EPHA2: variants seen among roughly 807,000 people sequenced by gnomAD.
EPHA2 encodes EPH receptor A2.
Under a neutral mutation model 104.9 loss-of-function variants are expected in EPHA2, and 54 were observed. The ratio of observed to expected loss-of-function variants is 0.51; its 90% CI spans 0.41 to 0.65. The LOEUF (loss-of-function observed/expected upper bound fraction) is 0.65, where lower values mean the gene tolerates loss of function less well. Ranked by LOEUF, EPHA2 falls within the 30% of genes least tolerant of loss-of-function variation. The pLI, the probability that EPHA2 is intolerant of heterozygous loss-of-function variation, is 0.00. For synonymous variants in EPHA2, 560 were observed against 559.1 expected (o/e 1.00, Z -0.02); for missense variants, 1,117 against 1,369.5 (o/e 0.82, Z 2.91).
intron 3 of EPHA2, among the ~76,000 whole-genome samples, chr1:16,145,242 AGC>A (rs2024908189): frequency 6.6e-6 from 1 of 152,214 alleles, no homozygotes; most frequent in African/African-American, 2.4e-5. Flanking sequence ...GACAGCGGTC[AGC>A]CCGAGCGACT....
intron 3 of EPHA2, among the ~76,000 whole-genome samples, chr1:16,140,170 C>A (rs1442198632): frequency 6.6e-6 from 1 of 152,242 alleles, no homozygotes; most frequent in Admixed American, 6.5e-5. Context: ...TGACTCTGCT[C>A]TCAGAGCCAG....
chr1:16,132,998 G>A, intron 11 of EPHA2, 182 bp downstream of exon 11: 4 of 755,746 alleles, frequency 5.3e-6, no homozygotes, highest in South Asian at 5.1e-5. Context: ...TGGGGGGAAG[G>A]TGGGCACAGG....
In EPHA2 at chr1:16,138,295, G is replaced by A. The variant is rs1387958675; in HGVS notation, c.959C>T (p.Pro320Leu). The change falls in exon 4 of 17, where the codon CCA becomes CTA. Residue 320 changes from proline to leucine, a missense_variant. By Grantham distance (98) the Pro-to-Leu change is moderately conservative. Transcript: ENST00000358432. ...CTCACGTGTGCAAGGCATCGACGCT[G>A]GGTCCTGAGGTGCCCGGAAGAAGCC... ...EEGFFRAPQDPASMPCTRPPS... is the reference protein window; with the variant it reads ...EEGFFRAPQDLASMPCTRPPS... 4 of 1,613,440 alleles carry A rather than the reference G, an allele frequency of 2.5e-6. No homozygotes were observed. The highest frequency in any genetic ancestry group is 2.7e-5 in the African/African-American group (2 of 74,918).
intron 1 of EPHA2, among the ~76,000 whole-genome samples, chr1:16,152,520 C>A (rs1248364468): frequency 6.7e-6 from 1 of 148,512 alleles, no homozygotes; most frequent in Non-Finnish European, 1.5e-5. Flanking sequence ...GCGGGGTGGG[C>A]AGGGGCAGGG....
At position 16,148,645 on chromosome 1, in the gene EPHA2, C is replaced by T. The variant is rs760974630; in HGVS notation, c.556G>A (p.Gly186Ser). Residue 186 changes from glycine (G) to serine (S), a missense_variant, in exon 3 of 17, where the codon GGT becomes AGT. This residue lies in a region of EPHA2 where 664 missense variants were observed against 784.8 expected (regional missense o/e 0.85). Transcript: ENST00000358432. This position sits in a 1 kb window ranked among gnomAD's most constrained non-coding sequence, Gnocchi z 4.9. ...ACGGAGAGCAGCGCCACACAGGCAC[C>T]GATATCCTGGAAGGCCAGGTAGAAG... ...KGFYLAFQDI[G>S]ACVALLSVRV... 9.9e-6 allele frequency: 16 copies of T among 1,608,872 alleles called. No homozygotes were observed. Among genetic ancestry groups the T allele is most frequent in the East Asian group, 6.7e-5 (3 of 44,894 alleles).
In EPHA2 at chr1:16,133,857, C is replaced by T. The variant is rs2024629346; in HGVS notation, c.1738+3G>A. ...TGGGCCTGGAGCGGGGGCTGCGTCT[C>T]ACCTGACTTGGAGAAGTAAACGTCC... On this transcript the variant is annotated splice_donor_region_variant and intron_variant, in intron 9 of 16. Transcript: ENST00000358432. 1.9e-6 allele frequency: 3 copies of T among 1,547,382 alleles called. No homozygotes were observed. The highest frequency in any genetic ancestry group is 1.4e-5 in the African/African-American group (1 of 72,994).
intron 3 of EPHA2, among the ~76,000 whole-genome samples, chr1:16,142,757 G>A (rs913109519): frequency 4.0e-5 from 6 of 151,068 alleles, no homozygotes; most frequent in African/African-American, 1.5e-4. Context: ...ACAGATGAAT[G>A]GACAAGTGGA....
At chr1:16,152,236 G>A (rs1342410785) in intron 1 of EPHA2, among the ~76,000 whole-genome samples, 3 of 152,220 alleles carry the variant, frequency 2.0e-5, no homozygotes, top group Admixed American at 6.5e-5. Context: ...GGTGGACAGA[G>A]CTCCAGGCAG....
intron 3 of EPHA2, among the ~76,000 whole-genome samples, chr1:16,141,754 GC>G (rs2024828415): frequency 6.6e-6 from 1 of 152,378 alleles, no homozygotes; most frequent in Non-Finnish European, 1.5e-5. Context: ...TGGCCCCAGC[GC>G]CCGGGGGTGG....
rs554019648 is a variant in EPHA2, at chr1:16,135,176, C to G, written c.1442G>C (p.Ser481Thr). 6.2e-6 allele frequency: 10 copies of G among 1,613,812 alleles called. No homozygotes were observed. In the East Asian group the frequency reaches 8.9e-5, roughly 14 times the overall value. Residue 481 changes from serine (S) to threonine (T), a missense_variant, in exon 7 of 17, where the codon AGC (serine) becomes ACC (threonine). Around this residue, in one of 3 missense-constraint regions of EPHA2, gnomAD observed 664 missense variants for 784.8 expected, o/e 0.85. Coordinates refer to ENST00000358432, the MANE Select transcript of EPHA2 (RefSeq NM_004431.5). The surrounding 1 kb of genome is among the most constrained non-coding windows in gnomAD (Gnocchi z 4.3). ...VTYRKKGDSN[S>T]YNVRRTEGFS... The stretch of plus-strand genomic sequence containing the variant: ...ACCCTCGGTGCGGCGCACATTGTAG[C>G]TGTTGGAGTCTCCCTGTGGGTGGGT...
intron 1 of EPHA2, among the ~76,000 whole-genome samples, chr1:16,151,801 A>G (rs1428022313): frequency 2.0e-5 from 3 of 152,140 alleles, no homozygotes; most frequent in Non-Finnish European, 4.4e-5. Flanking sequence ...CTTGTAGGGG[A>G]CATTCTAGGC....
In EPHA2 at chr1:16,125,227, C is replaced by T. The variant is rs114895977; in HGVS notation, c.2919G>A (p.Gly973=). 3,068 of 1,613,902 alleles carry T rather than the reference C, an allele frequency of 1.9e-3. 17 individuals carry two copies. Among genetic ancestry groups the T allele is most frequent in the African/African-American group, 0.012 (896 of 75,054 alleles). Residue 973 remains glycine (G), a synonymous_variant, in exon 17 of 17, where the codon GGG becomes GGA. Transcript: ENST00000358432. This position sits in a 1 kb window ranked among gnomAD's most constrained non-coding sequence, Gnocchi z 4.9. The part of the protein sequence containing the change: ...LGLKDQVNTV[G]IPI ...GCCCTGTCGAGGCTCAGATGGGGAT[C>T]CCCACAGTGTTCACCTGGTCCTTGA... is the stretch of plus-strand genomic sequence containing the variant.
rs1557504433 is a variant in EPHA2 at position 16,133,546 on chromosome 1, G to C, written c.1799C>G (p.Ala600Gly). The change falls in exon 10 of 17, where the codon GCT becomes GGT. Residue 600 changes from alanine to glycine, a missense_variant. Coordinates refer to ENST00000358432, the MANE Select transcript of EPHA2 (RefSeq NM_004431.5). ...DPHTYEDPNQ[A>G]VLKFTTEIHP... ...GATCTCGGTAGTGAACTTCAACACA[G>C]CCTGGTTGGGGTCCTCATATGTGTG... 6.2e-7 allele frequency: 1 copy of C among 1,614,112 alleles called. No homozygotes were observed. Among genetic ancestry groups the C allele is most frequent in the Admixed American group, 1.7e-5 (1 of 60,018 alleles).
Position 16,135,051 on chromosome 1 carries a change from C to A in EPHA2, c.1567G>T (p.Glu523Ter). The A allele has an allele frequency of 6.2e-7, 1 of 1,613,082 alleles. No homozygotes were observed. Among genetic ancestry groups the A allele is most frequent in the Non-Finnish European group, 8.5e-7 (1 of 1,180,016 alleles). ...CCCAACTCACACAGCGTCTGGAATT[C>A]GTGCACCTTGCTGCCGGCCCCCTGG... The part of the protein sequence containing the change: ...EGQGAGSKVH[E>*]FQTLSPEGSG... The change falls in exon 7 of 17, where the codon GAA (glutamate) becomes TAA (stop). Residue 523 changes from glutamate to a stop codon, truncating the protein, a stop_gained. Transcript: ENST00000358432. LOFTEE classifies it high-confidence loss of function. The surrounding 1 kb of genome is among the most constrained non-coding windows in gnomAD (Gnocchi z 4.3).
intron 16 of EPHA2, among the ~76,000 whole-genome samples, chr1:16,127,638 G>C (rs1294578506): frequency 1.3e-5 from 2 of 152,186 alleles, no homozygotes; most frequent in African/African-American, 4.8e-5. Flanking sequence ...CCAGGCTTCA[G>C]GTTTTAAAAA....
At chr1:16,136,769 A>AGAAGAG (rs1553135660) in intron 5 of EPHA2, among the ~76,000 whole-genome samples, 1 of 150,556 alleles carries the variant, frequency 6.6e-6, no homozygotes, top group Non-Finnish European at 1.5e-5. Context: ...AAGAAGAAGA[A>AGAAGAG]GAAGAACTAA....
chr1:16,141,505 TGGA>T (rs1471259776), intron 3 of EPHA2, among the ~76,000 whole-genome samples: 1 of 152,220 alleles, frequency 6.6e-6, no homozygotes, highest in East Asian at 1.9e-4. Context: ...GACTTGTCTG[TGGA>T]GGAGACTTCA....
At chr1:16,149,167 G>A in intron 2 of EPHA2, 120 bp from the exon 3 acceptor site, 1 of 1,100,638 alleles carries the variant, frequency 9.1e-7, no homozygotes, top group Non-Finnish European at 1.3e-6. Flanking sequence ...CTACGGTGAA[G>A]GAAACTGAGG....
At chr1:16,153,048 C>T (rs2025073238) in intron 1 of EPHA2, 2 of 905,488 alleles carry the variant, frequency 2.2e-6, no homozygotes, top group East Asian at 1.2e-4. Flanking sequence ...CTCGGCTGAC[C>T]CAGACGGCTT....
Sources: gnomAD v4.1 joint callset for allele counts (sites outside exome capture counted in the v4.1 genomes callset) on GRCh38, gnomAD v4.1.1 for gene constraint, gnomAD v4.1.1 regional missense constraint, Gnocchi (gnomAD v3.1) non-coding constraint, MANE v1.5 for transcripts, NCBI Gene and HGNC (gene_info 2026-07-23, HGNC 2026-07-21) for gene names.